KIAA1217: variants seen among roughly 807,000 people sequenced by gnomAD.
KIAA1217 encodes the protein KIAA1217.
Under a neutral mutation model 163.9 loss-of-function variants are expected in KIAA1217, and 88 were observed. That is an observed-to-expected ratio of 0.54 (90% CI 0.45 to 0.64). The LOEUF is 0.64. KIAA1217 is among the 30% of genes least tolerant of loss of function. The pLI, the probability that KIAA1217 is intolerant of heterozygous loss-of-function variation, is 0.00. For synonymous variants in KIAA1217, 903 were observed against 923.1 expected, an observed-to-expected ratio of 0.98 and a Z score of 0.39; for missense variants, 2,372 against 2,475.0, an observed-to-expected ratio of 0.96 and a Z score of 0.88.
chr10:23,934,327 A>G (rs919659245), intron 1 of KIAA1217, among the ~76,000 whole-genome samples: 2 of 151,294 alleles, frequency 1.3e-5, no homozygotes, highest in African/African-American at 4.9e-5. Flanking sequence ...TGGGAGTTGA[A>G]CATTGAGAAC....
At chr10:23,841,650 G>A (rs965242370) in intron 1 of KIAA1217, among the ~76,000 whole-genome samples, 1 of 151,474 alleles carries the variant, frequency 6.6e-6, no homozygotes, top group Non-Finnish European at 1.5e-5. Context: ...AATAGCTTCT[G>A]TTTATTTTGT....
At chr10:24,178,833 A>AT (rs2066033837) in intron 2 of KIAA1217, among the ~76,000 whole-genome samples, 1 of 152,160 alleles carries the variant, frequency 6.6e-6, no homozygotes, top group Admixed American at 6.5e-5. Flanking sequence ...GTTATGGAGA[A>AT]TTTTTTTAAT....
At position 23,895,169 on chromosome 10, in the gene KIAA1217, T is replaced by A. The variant is rs11013774; in HGVS notation, c.-320-112056T>A. On this transcript the variant is annotated intron_variant, in intron 1 of 18. Coordinates refer to the KIAA1217 transcript ENST00000376462. ...ATCTCATTAAACTAAAGAGCTTCTG[T>A]ACAGCAAAAGAAACTACCATCAGAG... 7.9e-5 allele frequency among the ~76,000 whole-genome samples: 12 copies of A among 151,708 alleles called. No individual in the cohort carries two copies. In the South Asian group the frequency reaches 2.5e-3, roughly 32 times the overall value.
At chr10:24,484,241 A>ATTTTTTTTTTTTTTT (rs59233394) in intron 6 of KIAA1217, among the ~76,000 whole-genome samples, 6 of 75,140 alleles carry the variant, frequency 8.0e-5, no homozygotes, top group Admixed American at 1.8e-4. Context: ...ATATATATAT[A>ATTTTTTTTTTTTTTT]TTTTTTTTTT....
At chr10:23,729,100 TTCTCCATG>T (rs1564371611) in intron 1 of KIAA1217, among the ~76,000 whole-genome samples, 1 of 152,236 alleles carries the variant, frequency 6.6e-6, no homozygotes, top group Non-Finnish European at 1.5e-5. Context: ...CAGTTAAGGT[TTCTCCATG>T]TCTTTTCATG....
intron 10 of KIAA1217, among the ~76,000 whole-genome samples, chr10:24,516,916 T>C (rs1341793045): frequency 6.6e-6 from 1 of 152,154 alleles, no homozygotes; most frequent in East Asian, 1.9e-4. Context: ...CCCCAGCACT[T>C]TGGGAGGCTG....
intron 2 of KIAA1217, among the ~76,000 whole-genome samples, chr10:24,019,907 A>G (rs993331749): frequency 6.6e-6 from 1 of 152,056 alleles, no homozygotes; most frequent in Non-Finnish European, 1.5e-5. Flanking sequence ...TAAGTAAAAT[A>G]AATGATTCTC....
chr10:23,869,122 TA>T lies in KIAA1217; in HGVS notation c.-320-138102del, dbSNP rs1232909479. On this transcript the variant is annotated intron_variant, in intron 1 of 18. Coordinates refer to the KIAA1217 transcript ENST00000376462. Reference sequence around the variant, plus strand: ...CAGTGTAACGTGCAATCATGAAATGTAGTTTTTTTTTTTTTTTTTTTTTTTT... The same window carrying T: ...CAGTGTAACGTGCAATCATGAAATGTGTTTTTTTTTTTTTTTTTTTTTTTT... Among the ~76,000 whole-genome samples, 17 of 140,838 alleles carry T rather than the reference TA, an allele frequency of 1.2e-4. No homozygotes were observed. In the South Asian group the frequency reaches 3.1e-3, roughly 26 times the overall value. The allele number at this position is 140,838 out of a possible 152,430, so 92.4% of individuals were successfully genotyped here. A position where few individuals can be genotyped will look rare whatever the true frequency, so the allele number is the denominator to read the frequency against.
rs1294483488 is a variant in KIAA1217, at chr10:23,714,781, AG to A, written c.-321+19548del. Among the ~76,000 whole-genome samples, 4 of 152,100 alleles carry A rather than the reference AG, an allele frequency of 2.6e-5. No homozygotes were observed. In the East Asian group the frequency reaches 7.7e-4, roughly 29 times the overall value. On this transcript the variant is annotated intron_variant, in intron 1 of 18. Transcript: ENST00000376462. ...ACCAAAGGGTAGGGCAAACAAATCCAGTTTGTCAATAGAGGGTGGTTTATTG... is the reference window on the plus strand; with the variant it reads ...ACCAAAGGGTAGGGCAAACAAATCCATTTGTCAATAGAGGGTGGTTTATTG...
intron 1 of KIAA1217, among the ~76,000 whole-genome samples, chr10:23,965,692 A>T (rs1845037762): frequency 2.0e-5 from 3 of 152,208 alleles, no homozygotes; most frequent in African/African-American, 7.2e-5. Flanking sequence ...ATGGATTTTT[A>T]AAATAACCCA....
chr10:23,921,802 C>T (rs1327919649), intron 1 of KIAA1217, among the ~76,000 whole-genome samples: 1 of 152,180 alleles, frequency 6.6e-6, no homozygotes, highest in Non-Finnish European at 1.5e-5. Flanking sequence ...ATTAGCAAAA[C>T]AGTGCTGTTT....
chr10:23,967,936 T>C (rs1011418330), intron 1 of KIAA1217, among the ~76,000 whole-genome samples: 3 of 149,820 alleles, frequency 2.0e-5, no homozygotes, highest in Non-Finnish European at 3.0e-5. Context: ...TGTGTGTGTG[T>C]ATGGAGGACA....
At chr10:23,824,201 G>A (rs933295523) in intron 1 of KIAA1217, among the ~76,000 whole-genome samples, 1 of 152,052 alleles carries the variant, frequency 6.6e-6, no homozygotes, top group African/African-American at 2.4e-5. Flanking sequence ...TGATCTGGGG[G>A]TGGTAGAGGT....
rs543694730 is a variant in KIAA1217, at chr10:23,818,720, G to A, written c.-321+123486G>A. On this transcript the variant is annotated intron_variant, in intron 1 of 18. Transcript: ENST00000376462. Reference sequence around the variant, plus strand: ...AGCATGAAGGGCCTTGGTTGCCTTGGCAATAATTTGTCCTTTGGCAGGGCT... The same window carrying A: ...AGCATGAAGGGCCTTGGTTGCCTTGACAATAATTTGTCCTTTGGCAGGGCT... Among the ~76,000 whole-genome samples, 40 of 152,232 alleles carry A rather than the reference G, an allele frequency of 2.6e-4. 1 individual carries two copies. The highest frequency in any genetic ancestry group is 9.6e-4 in the African/African-American group (40 of 41,530).
intron 1 of KIAA1217, among the ~76,000 whole-genome samples, chr10:23,830,591 A>G (rs1838136102): frequency 6.6e-6 from 1 of 151,746 alleles, no homozygotes; most frequent in African/African-American, 2.4e-5. Flanking sequence ...TGTGGCATGA[A>G]AGAAAGAGAG....
intron 1 of KIAA1217, among the ~76,000 whole-genome samples, chr10:23,876,876 G>A (rs1840722296): frequency 6.6e-6 from 1 of 151,888 alleles, no homozygotes; most frequent in Non-Finnish European, 1.5e-5. Context: ...AACAATAAAG[G>A]GTGAGTTACG....
At chr10:23,947,723 A>C (rs920759916) in intron 1 of KIAA1217, among the ~76,000 whole-genome samples, 1 of 152,226 alleles carries the variant, frequency 6.6e-6, no homozygotes, top group Admixed American at 6.5e-5. Context: ...GCATTGAGAC[A>C]CAGATGGGAA....
chr10:23,903,366 T>A (rs1341437957), intron 1 of KIAA1217, among the ~76,000 whole-genome samples: 1 of 152,044 alleles, frequency 6.6e-6, no homozygotes, highest in Admixed American at 6.6e-5. Flanking sequence ...GAAACCTCTA[T>A]AACAAAGACA....
intron 1 of KIAA1217, among the ~76,000 whole-genome samples, chr10:24,217,510 C>T (rs7096127): frequency 0.55 from 84,357 of 152,012 alleles, 23,464 homozygotes; most frequent in East Asian, 0.69. Context: ...CCAGAACACA[C>T]ATCAAGGGTT....
Sources: allele counts gnomAD v4.1 joint callset (sites outside exome capture counted in the v4.1 genomes callset), GRCh38; gene constraint gnomAD v4.1.1; transcripts MANE v1.5; gene names NCBI Gene and HGNC (gene_info 2026-07-23, HGNC 2026-07-21).